The following TRPM8 variants were observed in gnomAD, a reference collection of about 807,000 sequenced individuals.
TRPM8 encodes transient receptor potential cation channel subfamily M member 8, also known as TRPM8 cationic channel.
In TRPM8, 110 loss-of-function variants were observed where a neutral mutation model predicts 133.7. That is an observed-to-expected ratio of 0.82 (90% confidence interval 0.70 to 0.96). The LOEUF is 0.96. Ranked by LOEUF, TRPM8 falls within the 40% of genes least tolerant of loss-of-function variation. TRPM8 has a pLI of 0.00. For missense variants in TRPM8, 1,291 were observed against 1,379.5 expected (o/e 0.94, Z 1.02); for synonymous variants, 535 against 532.3 (o/e 1.01, Z -0.07).
rs200725140 is a variant in TRPM8 at position 233,961,046 on chromosome 2, G to C, written c.1633G>C (p.Glu545Gln). ...GAAGGAAGACAGAAATGGCCGGGAC[G>C]AGATGGACATAGAACTCCACGTAGG... ...FRKEDRNGRD[E>Q]MDIELHDVSP... The change falls in exon 12 of 26, where the codon GAG (glutamate) becomes CAG (glutamine). Residue 545 changes from glutamate (E) to glutamine (Q), a missense_variant. This residue lies in a region of TRPM8 where 963 missense variants were observed against 968.9 expected (regional missense o/e 0.99). Coordinates refer to ENST00000324695, the MANE Select transcript of TRPM8 (RefSeq NM_024080.5). The C allele has an allele frequency of 6.2e-7, 1 of 1,614,052 alleles. No homozygotes were observed. Among genetic ancestry groups the C allele is most frequent in the Admixed American group, 1.7e-5 (1 of 60,024 alleles).
intron 22 of TRPM8, among the ~76,000 whole-genome samples, chr2:234,004,674 TG>T (rs1361252579): frequency 6.6e-6 from 1 of 152,240 alleles, no homozygotes; most frequent in African/African-American, 2.4e-5. Context: ...TGTATTATTT[TG>T]CATGATTCGG....
chr2:233,978,540 T>C (rs1453388378), intron 17 of TRPM8, among the ~76,000 whole-genome samples: 1 of 152,182 alleles, frequency 6.6e-6, no homozygotes, highest in African/African-American at 2.4e-5. Context: ...CAATATTCTG[T>C]TTCCCATACT....
intron 11 of TRPM8, among the ~76,000 whole-genome samples, chr2:233,960,327 G>A (rs1353870577): frequency 6.6e-6 from 1 of 152,194 alleles, no homozygotes; most frequent in Non-Finnish European, 1.5e-5. Flanking sequence ...GCAGCGTAGA[G>A]ACAGCACTGG....
chr2:234,006,341 T>G (rs1209204387), intron 22 of TRPM8, among the ~76,000 whole-genome samples: 1 of 152,196 alleles, frequency 6.6e-6, no homozygotes, highest in Non-Finnish European at 1.5e-5. Context: ...ATGCCCTATC[T>G]TAGGTGAATT....
Position 233,970,370 on chromosome 2 carries a change from C to A in TRPM8, c.2299C>A (p.Pro767Thr), listed in dbSNP as rs202105112. ...LMDFHSVPHP[P>T]ELVLYSLVFV... is the part of the protein sequence containing the mutation. The stretch of plus-strand genomic sequence containing the variant: ...GGATTTCCATTCGGTGCCACACCCC[C>A]CCGAGCTGGTCCTGTACTCGCTGGT... The change falls in exon 17 of 26, where the codon CCC becomes ACC. Residue 767 changes from proline to threonine, a missense_variant. Coordinates refer to ENST00000324695, the MANE Select transcript of TRPM8 (RefSeq NM_024080.5). 5.0e-6 allele frequency: 8 copies of A among 1,614,140 alleles called. No homozygotes were observed. The South Asian group carries it at 6.6e-5, about 13-fold the overall frequency.
intron 6 of TRPM8, among the ~76,000 whole-genome samples, chr2:233,943,282 C>G (rs1256124845): frequency 6.6e-6 from 1 of 152,050 alleles, no homozygotes. Flanking sequence ...CCCAACAGAC[C>G]CTGGTGTGTG....
Position 233,945,997 on chromosome 2 carries a change from C to T in TRPM8, c.841C>T (p.Leu281=), listed in dbSNP as rs1174835223. ...TGTCGAAGCAAAGCTCCGGAATCAG[C>T]TAGAGAAGTATATCTCTGAGCGCAC... ...PTVEAKLRNQ[L]EKYISERTIQ... Residue 281 remains leucine, a synonymous_variant, in exon 7 of 26, where the codon CTA becomes TTA. Coordinates refer to ENST00000324695, the MANE Select transcript of TRPM8 (RefSeq NM_024080.5). The T allele has an allele frequency of 1.2e-6, 2 of 1,614,148 alleles. No individual in the cohort carries two copies. Among genetic ancestry groups the T allele is most frequent in the African/African-American group, 1.3e-5 (1 of 75,058 alleles).
intron 4 of TRPM8, among the ~76,000 whole-genome samples, chr2:233,938,335 C>A (rs1484611084): frequency 6.6e-6 from 1 of 152,200 alleles, no homozygotes; most frequent in Non-Finnish European, 1.5e-5. Flanking sequence ...CACCCCCACT[C>A]CCCCCAGTCT....
Position 234,017,797 on chromosome 2 carries a change from G to A in TRPM8, c.*541G>A, listed in dbSNP as rs199898434. 66 of 155,342 alleles carry A rather than the reference G, an allele frequency of 4.2e-4. No individual in the cohort carries two copies. Among genetic ancestry groups the A allele is most frequent in the South Asian group, 1.2e-3 (6 of 5,032 alleles). The allele number at this position is 155,342 out of a possible 1,614,324, so 9.6% of individuals were successfully genotyped here. A position where few individuals can be genotyped will look rare whatever the true frequency, so the allele number is the denominator to read the frequency against. ...CAGCAAGAGGACCCCGCTCTCTTCA[G>A]GAAAAGTGTTTTCATTTCTCAGGAT... On this transcript the variant is annotated 3_prime_UTR_variant, in exon 26 of 26. Transcript: ENST00000324695.
intron 22 of TRPM8, among the ~76,000 whole-genome samples, chr2:233,999,734 A>G (rs542651769): frequency 5.9e-5 from 9 of 152,322 alleles, no homozygotes; most frequent in South Asian, 2.1e-4. Context: ...CACCTACCAT[A>G]CTAGACTTGG....
At chr2:233,926,742 A>G (rs1691525657) in intron 2 of TRPM8, 88 bp downstream of exon 2, 1 of 985,254 alleles carries the variant, frequency 1.0e-6, no homozygotes, top group Admixed American at 1.9e-5. Context: ...GACTTTTAGA[A>G]CATTTTAAAT....
intron 25 of TRPM8, among the ~76,000 whole-genome samples, chr2:234,015,689 C>G (rs1692940317): frequency 6.6e-6 from 1 of 152,162 alleles, no homozygotes; most frequent in African/African-American, 2.4e-5. Context: ...TTATGGAGGG[C>G]TTTGTTAGAG....
At chr2:233,999,120 G>T (rs1692483135) in intron 22 of TRPM8, among the ~76,000 whole-genome samples, 1 of 152,080 alleles carries the variant, frequency 6.6e-6, no homozygotes, top group Admixed American at 6.5e-5. Flanking sequence ...GCATTTATTT[G>T]CCCATGATTC....
chr2:233,962,689 A>G (rs1465031531), intron 12 of TRPM8, among the ~76,000 whole-genome samples: 4 of 152,238 alleles, frequency 2.6e-5, no homozygotes, highest in African/African-American at 9.6e-5. Flanking sequence ...CAATATGCAT[A>G]ATATGCCTCG....
Position 233,940,141 on chromosome 2 carries a change from A to G in TRPM8, c.526+966A>G, listed in dbSNP as rs570032680. Among the ~76,000 whole-genome samples the G allele has an allele frequency of 2.8e-4, 42 of 150,872 alleles. 1 individual carries two copies. In the South Asian group the frequency reaches 8.2e-3, roughly 29 times the overall value. ...GAAAAGTGTAGGCCAATTGCTTAGT[A>G]GACTGTCTCTCATTGTGGATTTGGT... On this transcript the variant is annotated intron_variant, in intron 5 of 25. Transcript: ENST00000324695.
chr2:233,936,499 C>G, intron 3 of TRPM8, among the ~76,000 whole-genome samples: 1 of 152,230 alleles, frequency 6.6e-6, no homozygotes, highest in Non-Finnish European at 1.5e-5. Flanking sequence ...GGAAGTCTCT[C>G]TAGCAGCTAA....
chr2:233,947,014 G>T, intron 7 of TRPM8, 74 bp from the exon 8 acceptor site: 2 of 1,388,916 alleles, frequency 1.4e-6, no homozygotes, highest in South Asian at 1.2e-5. Context: ...AGAAGCTCTT[G>T]GTCCAACTTT....
chr2:233,926,890 C>T (rs11563218), intron 2 of TRPM8, among the ~76,000 whole-genome samples: 2,841 of 152,208 alleles, frequency 0.019, 91 homozygotes, highest in East Asian at 0.15. Flanking sequence ...CTTGTAATGG[C>T]CTCCTAGCTG....
intron 17 of TRPM8, 78 bp from the exon 18 acceptor site, chr2:233,980,110 G>A (rs1217583731): frequency 4.1e-6 from 4 of 969,490 alleles, no homozygotes; most frequent in Non-Finnish European, 6.3e-6. Flanking sequence ...GGAAGAAAAT[G>A]AGTGGACATT....
Sources: gnomAD v4.1 joint callset for allele counts (sites outside exome capture counted in the v4.1 genomes callset) on GRCh38, gnomAD v4.1.1 for gene constraint, gnomAD v4.1.1 regional missense constraint, MANE v1.5 for transcripts, NCBI Gene and HGNC (gene_info 2026-07-23, HGNC 2026-07-21) for gene names.